Variants in NBAS observed in about 807,000 individuals in gnomAD.
NBAS encodes the protein NAG/BC035112 fusion.
NBAS carries 219 observed loss-of-function variants against 302.5 expected under a neutral mutation model. The observed-to-expected ratio is 0.72, with a 90% CI of 0.65 to 0.81. NBAS has a LOEUF of 0.81. Among genes scored for constraint, NBAS ranks in the 30% least tolerant of loss-of-function variants. The probability of loss-of-function intolerance (pLI) is 0.00; values close to 1 mark genes in which losing one functional copy is unlikely to be tolerated. For missense variants in NBAS, 2,932 were observed against 2,841.6 expected, an observed-to-expected ratio of 1.03 and a Z score of -0.72; for synonymous variants, 1,118 against 1,021.6, an observed-to-expected ratio of 1.09 and a Z score of -1.80.
intron 3 of NBAS, 77 bp downstream of exon 3, chr2:15,556,706 T>C (rs1040085667): frequency 3.7e-6 from 5 of 1,344,596 alleles, no homozygotes; most frequent in Non-Finnish European, 5.3e-6. Flanking sequence ...AATTCAATTA[T>C]GAAAACAAAT....
the NBAS span, among the ~76,000 whole-genome samples, chr2:15,051,578 A>G: frequency 6.6e-6 from 1 of 152,240 alleles, no homozygotes; most frequent in African/African-American, 2.4e-5. Context: ...TTGTGGAATT[A>G]AAATCAAGAA....
chr2:15,243,821 AAAAC>A (rs1345883621), intron 44 of NBAS, among the ~76,000 whole-genome samples: 1 of 152,272 alleles, frequency 6.6e-6, no homozygotes, highest in African/African-American at 2.4e-5. Context: ...ACTGGGTTAA[AAAAC>A]AAACAAAAAC....
the NBAS span, among the ~76,000 whole-genome samples, chr2:15,029,595 G>A: frequency 2.6e-5 from 4 of 152,226 alleles, no homozygotes; most frequent in Non-Finnish European, 5.9e-5. Flanking sequence ...GTATATCACG[G>A]TAGGAAGTAT....
the NBAS span, among the ~76,000 whole-genome samples, chr2:15,020,936 C>T: frequency 6.6e-6 from 1 of 152,098 alleles, no homozygotes; most frequent in Non-Finnish European, 1.5e-5. Flanking sequence ...GGGTGCTGTA[C>T]AAAAAGCTGA....
chr2:14,842,171 AAAC>A, the NBAS span, among the ~76,000 whole-genome samples: 1 of 151,940 alleles, frequency 6.6e-6, no homozygotes, highest in African/African-American at 2.4e-5. Flanking sequence ...AAGTCTTGGA[AAAC>A]AACAAAAGTG....
chr2:15,339,027 T>A (rs920587328), intron 35 of NBAS, among the ~76,000 whole-genome samples: 7 of 152,006 alleles, frequency 4.6e-5, no homozygotes, highest in Admixed American at 3.3e-4. Context: ...AAAAATTTTT[T>A]AAAAATCAAT....
chr2:15,252,812 G>T (rs1022033568), intron 44 of NBAS, among the ~76,000 whole-genome samples: 8 of 152,070 alleles, frequency 5.3e-5, no homozygotes, highest in African/African-American at 9.7e-5. Context: ...TGGCACAGAG[G>T]ATACAAAGGT....
At chr2:15,145,401 ATGTGTGTGTG>A in the NBAS span, among the ~76,000 whole-genome samples, 15 of 148,116 alleles carry the variant, frequency 1.0e-4, no homozygotes, top group Admixed American at 2.0e-4. Context: ...GTTTGTTTGT[ATGTGTGTGTG>A]TGTGTGTGTG....
At chr2:15,403,445 T>C (rs1481116387) in intron 25 of NBAS, among the ~76,000 whole-genome samples, 2 of 152,234 alleles carry the variant, frequency 1.3e-5, no homozygotes, top group East Asian at 3.8e-4. Flanking sequence ...AAAGTGTCTG[T>C]ACTGAACATG....
At chr2:15,034,035 G>GCA in the NBAS span, among the ~76,000 whole-genome samples, 1 of 24,796 alleles carries the variant, frequency 4.0e-5, no homozygotes, top group Non-Finnish European at 6.8e-5. Flanking sequence ...AAGAGGAGGA[G>GCA]GAAGGAGGAG....
chr2:14,810,857 G>A, the NBAS span, among the ~76,000 whole-genome samples: 1 of 152,144 alleles, frequency 6.6e-6, no homozygotes, highest in African/African-American at 2.4e-5. Context: ...TAGAGTAAAT[G>A]TGATTCTGAC....
At chr2:15,319,720 C>T (rs1671704195) in intron 38 of NBAS, among the ~76,000 whole-genome samples, 1 of 152,078 alleles carries the variant, frequency 6.6e-6, no homozygotes, top group African/African-American at 2.4e-5. Context: ...TTTGAATAGA[C>T]AAATAACAGG....
the NBAS span, among the ~76,000 whole-genome samples, chr2:15,046,855 G>A: frequency 5.9e-5 from 9 of 152,098 alleles, no homozygotes; most frequent in Non-Finnish European, 1.2e-4. Context: ...TTCAAGGGTC[G>A]GTTTCAGAGA....
rs753777621 is a variant in NBAS at position 15,468,533 on chromosome 2, T to C, written c.1726A>G (p.Ser576Gly). 6.2e-7 allele frequency: 1 copy of C among 1,613,780 alleles called. No homozygotes were observed. Among genetic ancestry groups the C allele is most frequent in the South Asian group, 1.1e-5 (1 of 91,080 alleles). ...ACCCAGGATCGCTTCTTTATTTTAC[T>C]CTGCATATAAAGGAAGAAACAGAGG... ...VNVASIQNYL[S>G]KIKKRSWVLH... The change falls in exon 17 of 52, where the codon AGT becomes GGT. Residue 576 changes from serine to glycine, a missense_variant and splice_region_variant. Physicochemically the swap from Ser to Gly is moderately conservative, Grantham distance 56. Transcript: ENST00000281513.
intron 40 of NBAS, among the ~76,000 whole-genome samples, chr2:15,307,728 G>T (rs1297538231): frequency 6.6e-6 from 1 of 151,998 alleles, no homozygotes; most frequent in Non-Finnish European, 1.5e-5. Context: ...TTACATAAAA[G>T]CTGTCTGAGG....
rs553919705 is a variant in NBAS at position 15,403,837 on chromosome 2, C to A, written c.2938-1536G>T. Among the ~76,000 whole-genome samples the A allele has an allele frequency of 6.7e-5, 10 of 149,686 alleles. No homozygotes were observed. In the South Asian group the frequency reaches 2.1e-3, roughly 32 times the overall value. On this transcript the variant is annotated intron_variant, in intron 25 of 51. Transcript: ENST00000281513. ...GTTGAAAATTAATAAAAACAGCTAC[C>A]TTTTCCTGATTTATTTTTCCTTCCT...
intron 25 of NBAS, among the ~76,000 whole-genome samples, chr2:15,408,329 T>A (rs541117954): frequency 3.3e-5 from 5 of 152,356 alleles, no homozygotes; most frequent in African/African-American, 1.2e-4. Context: ...TTAACTCTGA[T>A]GCTAAAACTA....
the NBAS span, among the ~76,000 whole-genome samples, chr2:15,131,983 A>C: frequency 6.2e-4 from 95 of 152,198 alleles, no homozygotes; most frequent in Admixed American, 5.0e-3. Context: ...TGGTCCAAAC[A>C]CCTCCTACTA....
chr2:14,825,717 C>G, the NBAS span, among the ~76,000 whole-genome samples: 3 of 152,078 alleles, frequency 2.0e-5, no homozygotes, highest in African/African-American at 7.2e-5. Context: ...TTCAAACTCT[C>G]CAAGAAATTT....
Sources: gnomAD v4.1 joint callset for allele counts (sites outside exome capture counted in the v4.1 genomes callset) on GRCh38, gnomAD v4.1.1 for gene constraint, MANE v1.5 for transcripts, NCBI Gene and HGNC (gene_info 2026-07-23, HGNC 2026-07-21) for gene names.